ILRUN: variants seen among roughly 807,000 people sequenced by gnomAD.
ILRUN encodes the protein inflammation and lipid regulator with UBA-like and NBR1-like domains.
A neutral mutation model predicts 33.8 loss-of-function variants in ILRUN; 3 were observed. The ratio of observed to expected loss-of-function variants is 0.09; its 90% CI spans 0.04 to 0.23. The LOEUF (loss-of-function observed/expected upper bound fraction) is 0.23. Among genes scored for constraint, ILRUN ranks in the 10% least tolerant of loss-of-function variants. ILRUN has a pLI of 1.00. For missense variants in ILRUN, 210 were observed against 375.1 expected, an observed-to-expected ratio of 0.56 and a Z score of 3.64; for synonymous variants, 124 against 138.9, an observed-to-expected ratio of 0.89 and a Z score of 0.75.
intron 1 of ILRUN, among the ~76,000 whole-genome samples, chr6:34,680,723 G>A: frequency 6.6e-6 from 1 of 152,116 alleles, no homozygotes; most frequent in Non-Finnish European, 1.5e-5. Context: ...AAAGGTGTGA[G>A]CCATCACGAC....
At chr6:34,652,448 A>G (rs533861363) in intron 2 of ILRUN, among the ~76,000 whole-genome samples, 1 of 152,336 alleles carries the variant, frequency 6.6e-6, no homozygotes, top group South Asian at 2.1e-4. Flanking sequence ...GTGTTTGGTC[A>G]ATGACACACT....
chr6:34,647,714 A>G (rs1311441142), intron 2 of ILRUN, among the ~76,000 whole-genome samples: 3 of 152,094 alleles, frequency 2.0e-5, no homozygotes, highest in Admixed American at 6.6e-5. Flanking sequence ...ACAGGCGCCC[A>G]TTACCACGCC....
intron 3 of ILRUN, among the ~76,000 whole-genome samples, chr6:34,642,268 C>G (rs1562014385): frequency 6.6e-6 from 1 of 152,202 alleles, no homozygotes; most frequent in African/African-American, 2.4e-5. Context: ...TGTGTATGCT[C>G]TAACTGAACA....
intron 1 of ILRUN, among the ~76,000 whole-genome samples, chr6:34,678,847 A>AAAAG (rs2127382665): frequency 6.7e-6 from 1 of 150,112 alleles, no homozygotes; most frequent in East Asian, 1.9e-4. Context: ...AAAAAAAAAA[A>AAAAG]AAAAAAAAAA....
chr6:34,606,583 T>C lies in ILRUN; in HGVS notation c.833A>G (p.Asn278Ser). 1 of 1,613,998 alleles carries C rather than the reference T, an allele frequency of 6.2e-7. No homozygotes were observed. Among genetic ancestry groups the C allele is most frequent in the Non-Finnish European group, 8.5e-7 (1 of 1,179,946 alleles). The change falls in exon 4 of 5, where the codon AAC becomes AGC. Residue 278 changes from asparagine (N) to serine (S), a missense_variant. Physicochemically the swap from Asn to Ser is conservative, Grantham distance 46. Transcript: ENST00000374023. ...SVNLSPSSHA[N>S]NLSVVTYSKG... ...ACTGTAAGTCACTACTGATAAGTTG[T>C]TTGCGTGACTGCTGGGAGACAGATT... is the stretch of plus-strand genomic sequence containing the variant.
chr6:34,602,977 A>C (rs1347629870), intron 4 of ILRUN, among the ~76,000 whole-genome samples: 2 of 152,206 alleles, frequency 1.3e-5, no homozygotes, highest in Admixed American at 6.5e-5. Flanking sequence ...CAGCTCTCAT[A>C]GTGCAGGTGC....
At chr6:34,683,207 T>C (rs75960660) in intron 1 of ILRUN, among the ~76,000 whole-genome samples, 9,368 of 151,316 alleles carry the variant, frequency 0.062, 500 homozygotes, top group East Asian at 0.32. Flanking sequence ...TATATGTATA[T>C]ATGAACAGCC....
chr6:34,675,499 C>A (rs1156541885), intron 1 of ILRUN, among the ~76,000 whole-genome samples: 1 of 151,994 alleles, frequency 6.6e-6, no homozygotes, highest in Non-Finnish European at 1.5e-5. Context: ...ATTGTGCAGT[C>A]ATAAAGAAAA....
In ILRUN at chr6:34,592,894, C is replaced by G. The variant is rs1423589138; in HGVS notation, c.862-2294G>C. ...AATGCACAGCAAAAAGAAAACCTTG[C>G]TAGGTACGGTCGCTTATGTCTATAA... On this transcript the variant is annotated intron_variant, in intron 4 of 4. Transcript: ENST00000374023. The surrounding 1 kb of genome is among the most constrained non-coding windows in gnomAD (Gnocchi z 4.0). Among the ~76,000 whole-genome samples the G allele has an allele frequency of 6.6e-6, 1 of 152,164 alleles. No homozygotes were observed. Among genetic ancestry groups the G allele is most frequent in the Admixed American group, 6.5e-5 (1 of 15,276 alleles).
At chr6:34,619,580 C>A (rs919510720) in intron 3 of ILRUN, among the ~76,000 whole-genome samples, 1 of 152,144 alleles carries the variant, frequency 6.6e-6, no homozygotes, top group Non-Finnish European at 1.5e-5. Flanking sequence ...GTCTTCAACT[C>A]CTGGGCTGAA....
intron 1 of ILRUN, among the ~76,000 whole-genome samples, chr6:34,682,021 C>CTTTTTTTTTTTTTTTTTTTTTTTTTTTTT (rs1377020252): frequency 7.7e-6 from 1 of 130,014 alleles, no homozygotes; most frequent in African/African-American, 3.0e-5. Context: ...CCCACTAATT[C>CTTTTTTTTTTTTTTTTTTTTTTTTTTTTT]TTATATTTTT....
intron 1 of ILRUN, among the ~76,000 whole-genome samples, chr6:34,693,627 TA>T (rs938798743): frequency 6.6e-6 from 1 of 151,736 alleles, no homozygotes; most frequent in African/African-American, 2.4e-5. Context: ...GCTTTGAGCA[TA>T]AGTTTTTTAT....
At chr6:34,596,787 A>G (rs1270517068) in intron 4 of ILRUN, among the ~76,000 whole-genome samples, 1 of 152,220 alleles carries the variant, frequency 6.6e-6, no homozygotes, top group Non-Finnish European at 1.5e-5. Context: ...GTGCCAAAAC[A>G]TTTAACTCAG....
At chr6:34,600,556 G>A (rs903329157) in intron 4 of ILRUN, among the ~76,000 whole-genome samples, 1 of 152,126 alleles carries the variant, frequency 6.6e-6, no homozygotes, top group Non-Finnish European at 1.5e-5. Context: ...AAGGAATATA[G>A]ACAGGTTTGG....
chr6:34,685,104 A>G (rs1186797554), intron 1 of ILRUN, among the ~76,000 whole-genome samples: 1 of 152,212 alleles, frequency 6.6e-6, no homozygotes, highest in African/African-American at 2.4e-5. Context: ...AACTAGTAAC[A>G]TAATCTGCAA....
chr6:34,637,864 C>CTGCTGTTGTTGTTGT lies in ILRUN; in HGVS notation c.511+8736_511+8737insACAACAACAACAGCA, dbSNP rs749114775. ...GTTGTTGCTGCTGCTGCTGCTGCTGCTGTTGTTGTTGTTGTTGTTGTTGTT... is the reference window on the plus strand; with the variant it reads ...GTTGTTGCTGCTGCTGCTGCTGCTGCTGCTGTTGTTGTTGTTGTTGTTGTTGTTGTTGTTGTTGTT... On this transcript the variant is annotated intron_variant, in intron 3 of 4. Coordinates refer to ENST00000374023, the MANE Select transcript of ILRUN (RefSeq NM_024294.4). 6.7e-3 allele frequency among the ~76,000 whole-genome samples: 950 copies of CTGCTGTTGTTGTTGT among 142,014 alleles called. 8 individuals are homozygous for CTGCTGTTGTTGTTGT. The highest frequency in any genetic ancestry group is 0.017 in the African/African-American group (616 of 36,892). The allele number at this position is 142,014 out of a possible 152,430, so 93.2% of individuals were successfully genotyped here. A position where few individuals can be genotyped will look rare whatever the true frequency, so the allele number is the denominator to read the frequency against.
chr6:34,691,389 A>C (rs942061240), intron 1 of ILRUN, among the ~76,000 whole-genome samples: 3 of 152,214 alleles, frequency 2.0e-5, no homozygotes, highest in African/African-American at 7.2e-5. Flanking sequence ...AGGAACTGAA[A>C]ATTGACTACT....
At chr6:34,669,854 GC>G (rs1304733525) in intron 1 of ILRUN, among the ~76,000 whole-genome samples, 1 of 151,424 alleles carries the variant, frequency 6.6e-6, no homozygotes, top group Non-Finnish European at 1.5e-5. Flanking sequence ...AGTGAAACAA[GC>G]CAGATACATG....
intron 3 of ILRUN, among the ~76,000 whole-genome samples, chr6:34,615,030 T>C (rs759917809): frequency 7.9e-5 from 12 of 152,182 alleles, no homozygotes; most frequent in Non-Finnish European, 1.6e-4. Context: ...TGTAATGTGG[T>C]AGCCTAGATT....
Sources: allele counts gnomAD v4.1 joint callset (sites outside exome capture counted in the v4.1 genomes callset), GRCh38; gene constraint gnomAD v4.1.1; non-coding constraint Gnocchi (gnomAD v3.1); transcripts MANE v1.5; gene names NCBI Gene and HGNC (gene_info 2026-07-23, HGNC 2026-07-21).